The following KCNQ5 variants were observed in gnomAD, a reference collection of about 807,000 sequenced individuals.
KCNQ5 encodes the protein potassium voltage-gated channel subfamily Q member 5.
In KCNQ5, 30 loss-of-function variants were observed where a neutral mutation model predicts 98.2. The ratio of observed to expected loss-of-function variants is 0.31; its 90% CI spans 0.23 to 0.41. KCNQ5 has a LOEUF of 0.41. KCNQ5 is among the 10% of genes least tolerant of loss of function. The probability of loss-of-function intolerance (pLI) is 1.00; values close to 1 mark genes in which losing one functional copy is unlikely to be tolerated. For missense variants in KCNQ5, 835 were observed against 1,182.5 expected (o/e 0.71, Z 4.31); for synonymous variants, 458 against 449.4 (o/e 1.02, Z -0.24).
chr6:72,908,421 ACT>A (rs971285744), intron 1 of KCNQ5, among the ~76,000 whole-genome samples: 1 of 152,098 alleles, frequency 6.6e-6, no homozygotes, highest in Admixed American at 6.5e-5. Flanking sequence ...CACTATAGTA[ACT>A]CTTTTGCTAT....
At chr6:73,013,851 T>A (rs748939977) in intron 2 of KCNQ5, among the ~76,000 whole-genome samples, 3 of 152,178 alleles carry the variant, frequency 2.0e-5, no homozygotes, top group Non-Finnish European at 2.9e-5. Context: ...ACAACACTTT[T>A]ACTTAGGATG....
intron 1 of KCNQ5, among the ~76,000 whole-genome samples, chr6:72,840,676 G>A (rs1352204125): frequency 6.6e-6 from 1 of 152,156 alleles, no homozygotes; most frequent in Non-Finnish European, 1.5e-5. Context: ...TCAATTAGGA[G>A]CTTACTCTTC....
At chr6:72,869,500 C>T (rs1443300104) in intron 1 of KCNQ5, among the ~76,000 whole-genome samples, 1 of 152,138 alleles carries the variant, frequency 6.6e-6, no homozygotes, top group Non-Finnish European at 1.5e-5. Flanking sequence ...TTTAGTTTTT[C>T]CATTTTCTCA....
chr6:73,124,938 T>A (rs948383067), intron 9 of KCNQ5, among the ~76,000 whole-genome samples: 3 of 45,524 alleles, frequency 6.6e-5, no homozygotes, highest in African/African-American at 4.6e-4. Context: ...TTTGGAGTGA[T>A]ATATATATAT....
intron 1 of KCNQ5, among the ~76,000 whole-genome samples, chr6:72,763,806 C>G (rs1012544950): frequency 2.6e-5 from 4 of 151,790 alleles, no homozygotes; most frequent in Middle Eastern, 3.2e-3. Context: ...GAGGGGTAAA[C>G]ATGAGCTGTT....
intron 2 of KCNQ5, among the ~76,000 whole-genome samples, chr6:73,017,445 T>C (rs557993716): frequency 2.0e-5 from 3 of 148,040 alleles, no homozygotes; most frequent in Admixed American, 6.6e-5. Flanking sequence ...TGAGTATTGC[T>C]TTGGTACTGC....
chr6:73,021,219 A>C (rs148580387), intron 2 of KCNQ5, among the ~76,000 whole-genome samples: 69 of 152,316 alleles, frequency 4.5e-4, no homozygotes, highest in South Asian at 3.9e-3. Flanking sequence ...AACGGTGTTC[A>C]TCACACTCTG....
At chr6:72,787,006 A>G (rs906992716) in intron 1 of KCNQ5, among the ~76,000 whole-genome samples, 1 of 105,770 alleles carries the variant, frequency 9.5e-6, no homozygotes, top group Non-Finnish European at 1.8e-5. Context: ...CTCTGTCTCA[A>G]AAAAAAAAAA....
At chr6:73,161,060 C>G (rs1258192664) in intron 10 of KCNQ5, among the ~76,000 whole-genome samples, 1 of 152,164 alleles carries the variant, frequency 6.6e-6, no homozygotes, top group African/African-American at 2.4e-5. Context: ...TGGACTTAAC[C>G]TAAGTGCCCG....
At chr6:73,183,053 G>A (rs575025438) in intron 11 of KCNQ5, among the ~76,000 whole-genome samples, 129 of 152,256 alleles carry the variant, frequency 8.5e-4, no homozygotes, top group African/African-American at 3.0e-3. Flanking sequence ...GATCCCCTCT[G>A]GAAAGACAAG....
At chr6:72,935,464 T>G (rs1432704659) in intron 1 of KCNQ5, among the ~76,000 whole-genome samples, 1 of 152,132 alleles carries the variant, frequency 6.6e-6, no homozygotes, top group Admixed American at 6.5e-5. Context: ...TTTATGACCA[T>G]ATGTCTCAAA....
intron 3 of KCNQ5, among the ~76,000 whole-genome samples, chr6:73,059,125 T>A (rs9442878): frequency 0.97 from 147,892 of 152,328 alleles, 71,927 homozygotes; most frequent in Middle Eastern, 1. Context: ...TATATTCATC[T>A]CAGTACTATT....
At chr6:72,976,110 TTAA>T (rs1768149774) in intron 1 of KCNQ5, among the ~76,000 whole-genome samples, 1 of 152,220 alleles carries the variant, frequency 6.6e-6, no homozygotes, top group African/African-American at 2.4e-5. Flanking sequence ...AAAAATAAGT[TTAA>T]GCTTATTTTT....
chr6:72,681,415 C>T (rs903166590), intron 1 of KCNQ5, among the ~76,000 whole-genome samples: 2 of 152,198 alleles, frequency 1.3e-5, no homozygotes, highest in South Asian at 4.1e-4. Flanking sequence ...CTCTATTTTA[C>T]AGGCAAGAGA....
Position 72,640,549 on chromosome 6 carries a change from T to C in KCNQ5, c.398+17962T>C, listed in dbSNP as rs187301992. Among the ~76,000 whole-genome samples the C allele has an allele frequency of 2.0e-3, 305 of 152,274 alleles. 3 individuals are homozygous for C. Among genetic ancestry groups the C allele is most frequent in the Non-Finnish European group, 5.9e-4 (40 of 68,018 alleles). ...GATATTTCCTGTTGTGTGTACAAGTTCTGTGAGCTTGAACAAAAAGATTTT... is the reference window on the plus strand; with the variant it reads ...GATATTTCCTGTTGTGTGTACAAGTCCTGTGAGCTTGAACAAAAAGATTTT... On this transcript the variant is annotated intron_variant, in intron 1 of 13. Transcript: ENST00000370398.
chr6:72,736,742 G>A (rs1206382367), intron 1 of KCNQ5, among the ~76,000 whole-genome samples: 1 of 151,128 alleles, frequency 6.6e-6, no homozygotes, highest in Non-Finnish European at 1.5e-5. Context: ...CTCGTGATCC[G>A]CCCGCCTCGG....
intron 7 of KCNQ5, among the ~76,000 whole-genome samples, chr6:73,119,271 G>A (rs566640778): frequency 2.0e-5 from 3 of 152,180 alleles, no homozygotes; most frequent in South Asian, 2.1e-4. Context: ...GCAAGTCTCC[G>A]TGGAGGGATT....
At chr6:72,871,154 G>A (rs1778189187) in intron 1 of KCNQ5, among the ~76,000 whole-genome samples, 1 of 152,088 alleles carries the variant, frequency 6.6e-6, no homozygotes, top group Non-Finnish European at 1.5e-5. Flanking sequence ...ACGAGCTTTT[G>A]AGAAAAGAAC....
intron 1 of KCNQ5, among the ~76,000 whole-genome samples, chr6:72,888,247 A>G (rs1308325188): frequency 1.3e-5 from 2 of 152,192 alleles, no homozygotes; most frequent in Non-Finnish European, 2.9e-5. Flanking sequence ...TTCGGAAATG[A>G]TGAAACCTGT....
Sources: gnomAD v4.1 joint callset for allele counts (sites outside exome capture counted in the v4.1 genomes callset) on GRCh38, gnomAD v4.1.1 for gene constraint, MANE v1.5 for transcripts, NCBI Gene and HGNC (gene_info 2026-07-23, HGNC 2026-07-21) for gene names.